The following TENM3 variants were observed in gnomAD, a reference collection of about 807,000 sequenced individuals.
TENM3 encodes teneurin transmembrane protein 3.
In TENM3, 63 loss-of-function variants were observed where a neutral mutation model predicts 255.1. That is an observed-to-expected ratio of 0.25 (90% CI 0.20 to 0.30). TENM3 has a LOEUF of 0.30. Among genes scored for constraint, TENM3 ranks in the 10% least tolerant of loss-of-function variants. TENM3 has a pLI of 1.00. For synonymous variants in TENM3, 1,306 were observed against 1,322.3 expected, an observed-to-expected ratio of 0.99 and a Z score of 0.27; for missense variants, 2,929 against 3,461.1, an observed-to-expected ratio of 0.85 and a Z score of 3.86.
chr4:181,471,505 A>G, the TENM3 span, among the ~76,000 whole-genome samples: 1 of 152,206 alleles, frequency 6.6e-6, no homozygotes, highest in Non-Finnish European at 1.5e-5. Context: ...AAATGCAGGC[A>G]TGGTGAGGTT....
chr4:181,713,810 C>A, the TENM3 span, among the ~76,000 whole-genome samples: 67 of 152,116 alleles, frequency 4.4e-4, 1 homozygote, highest in South Asian at 6.2e-4. Context: ...TTGATTATTG[C>A]CATTTTTTGT....
the TENM3 span, among the ~76,000 whole-genome samples, chr4:181,640,261 C>G: frequency 1.3e-5 from 2 of 152,196 alleles, no homozygotes; most frequent in Non-Finnish European, 1.5e-5. Context: ...TGTGCATCAA[C>G]AAGCTCTCCA....
the TENM3 span, among the ~76,000 whole-genome samples, chr4:181,669,666 C>A: frequency 1.3e-5 from 2 of 152,158 alleles, no homozygotes; most frequent in African/African-American, 4.8e-5. Context: ...GAGGAACCTA[C>A]AAGAACTGAT....
At chr4:182,389,139 G>T (rs2150969193) in intron 3 of TENM3, among the ~76,000 whole-genome samples, 1 of 152,270 alleles carries the variant, frequency 6.6e-6, no homozygotes, top group East Asian at 1.9e-4. Flanking sequence ...AAATGAAACT[G>T]GGATGTTTTC....
chr4:182,171,589 A>G (rs1033521164), intron 1 of TENM3, among the ~76,000 whole-genome samples: 4 of 152,140 alleles, frequency 2.6e-5, no homozygotes, highest in Non-Finnish European at 5.9e-5. Context: ...GCAGTCTCTC[A>G]GTCTCTTGGG....
At chr4:181,662,721 C>A in the TENM3 span, among the ~76,000 whole-genome samples, 1 of 152,162 alleles carries the variant, frequency 6.6e-6, no homozygotes, top group Non-Finnish European at 1.5e-5. Flanking sequence ...ATCCATGGAA[C>A]AATAAACAAC....
chr4:182,260,701 C>T (rs1561254123), intron 1 of TENM3, among the ~76,000 whole-genome samples: 1 of 152,062 alleles, frequency 6.6e-6, no homozygotes, highest in Non-Finnish European at 1.5e-5. Flanking sequence ...GTAGCTTTCA[C>T]TGACAAATAG....
intron 3 of TENM3, among the ~76,000 whole-genome samples, chr4:182,510,886 A>G (rs1448404540): frequency 6.6e-6 from 1 of 152,194 alleles, no homozygotes; most frequent in Non-Finnish European, 1.5e-5. Flanking sequence ...CCTTGCCAAA[A>G]ATGTAAGTCC....
chr4:182,394,321 C>A (rs888327359), intron 3 of TENM3, among the ~76,000 whole-genome samples: 1 of 152,128 alleles, frequency 6.6e-6, no homozygotes, highest in Non-Finnish European at 1.5e-5. Context: ...TCCTGCCCCC[C>A]ACCTATGAAA....
chr4:182,056,688 C>A, the TENM3 span, among the ~76,000 whole-genome samples: 1 of 152,148 alleles, frequency 6.6e-6, no homozygotes. Flanking sequence ...CTGAAAACAG[C>A]AAATGTCCTT....
At chr4:181,725,217 T>A in the TENM3 span, among the ~76,000 whole-genome samples, 1 of 152,168 alleles carries the variant, frequency 6.6e-6, no homozygotes, top group African/African-American at 2.4e-5. Context: ...TCTGTGGTAT[T>A]CTCTCTTTTC....
At chr4:182,666,726 G>A (rs1400321092) in intron 6 of TENM3, among the ~76,000 whole-genome samples, 1 of 151,250 alleles carries the variant, frequency 6.6e-6, no homozygotes, top group Non-Finnish European at 1.5e-5. Context: ...TTGAAACCCT[G>A]TCTCTACAAA....
chr4:182,449,237 C>CGCTCCGGAGCTGGTGGCTCCGCTT (rs758941265), intron 3 of TENM3, among the ~76,000 whole-genome samples: 4 of 149,490 alleles, frequency 2.7e-5, no homozygotes, highest in Non-Finnish European at 6.0e-5. Flanking sequence ...CGGCTCCGCT[C>CGCTCCGGAGCTGGTGGCTCCGCTT]TTCTCCCTTG....
At chr4:181,974,836 T>TTA in the TENM3 span, among the ~76,000 whole-genome samples, 1 of 152,184 alleles carries the variant, frequency 6.6e-6, no homozygotes, top group Non-Finnish European at 1.5e-5. Flanking sequence ...TCCATGGGTA[T>TTA]TACATATGTA....
At chr4:182,152,563 A>C (rs1009542617) in intron 1 of TENM3, among the ~76,000 whole-genome samples, 1 of 152,018 alleles carries the variant, frequency 6.6e-6, no homozygotes, top group East Asian at 1.9e-4. Context: ...GTCCTAGAAT[A>C]TACAATCTCT....
intron 22 of TENM3, among the ~76,000 whole-genome samples, chr4:182,765,359 C>T (rs1579404947): frequency 1.3e-5 from 2 of 152,240 alleles, no homozygotes; most frequent in South Asian, 4.1e-4. Context: ...ACTGAAGGAT[C>T]CACTTTCTCC....
the TENM3 span, among the ~76,000 whole-genome samples, chr4:181,820,486 AACACACACACACAC>A: frequency 1.4e-5 from 2 of 148,082 alleles, no homozygotes; most frequent in South Asian, 4.3e-4. Context: ...ATTTTCTTTA[AACACACACACACAC>A]ACACACACAC....
chr4:182,642,242 GC>G (rs1752382462), intron 5 of TENM3, among the ~76,000 whole-genome samples: 1 of 152,094 alleles, frequency 6.6e-6, no homozygotes, highest in Non-Finnish European at 1.5e-5. Flanking sequence ...GACCCTTTAA[GC>G]AAGAGAAAAC....
the TENM3 span, among the ~76,000 whole-genome samples, chr4:181,730,110 T>C: frequency 1.3e-5 from 2 of 152,150 alleles, no homozygotes; most frequent in African/African-American, 4.8e-5. Flanking sequence ...GTCATACACA[T>C]TCAGCAGGTT....
Sources: gnomAD v4.1 joint callset for allele counts (sites outside exome capture counted in the v4.1 genomes callset) on GRCh38, gnomAD v4.1.1 for gene constraint, MANE v1.5 for transcripts, NCBI Gene and HGNC (gene_info 2026-07-23, HGNC 2026-07-21) for gene names.